NPFFR2: variants seen among roughly 807,000 people sequenced by gnomAD.
NPFFR2 encodes neuropeptide FF receptor 2.
NPFFR2 carries 15 observed loss-of-function variants against 13.1 expected under a neutral mutation model. The ratio of observed to expected loss-of-function variants is 1.15; its 90% CI spans 0.77 to 1.76. NPFFR2 has a LOEUF of 1.76. Among genes scored for constraint, NPFFR2 ranks in the 40% most tolerant of loss-of-function variants. The pLI is 0.00. For synonymous variants in NPFFR2, 190 were observed against 175.7 expected (o/e 1.08, Z -0.65); for missense variants, 572 against 503.5 (o/e 1.14, Z -1.30).
intron 1 of NPFFR2, among the ~76,000 whole-genome samples, chr4:72,126,587 G>A (rs1722049343): frequency 6.6e-6 from 1 of 152,146 alleles, no homozygotes; most frequent in Non-Finnish European, 1.5e-5. Flanking sequence ...AATGATGAGT[G>A]GCTCACTATG....
chr4:72,081,927 C>G (rs931477930), intron 1 of NPFFR2, among the ~76,000 whole-genome samples: 8 of 152,098 alleles, frequency 5.3e-5, no homozygotes, highest in African/African-American at 9.7e-5. Flanking sequence ...TCTCCCTTGC[C>G]CACAGTTTTT....
At chr4:72,102,448 A>G (rs1298107975) in intron 1 of NPFFR2, among the ~76,000 whole-genome samples, 1 of 151,970 alleles carries the variant, frequency 6.6e-6, no homozygotes, top group Non-Finnish European at 1.5e-5. Flanking sequence ...ACATATGTAT[A>G]CATGTGCCAT....
chr4:72,127,594 A>G (rs1176232359), intron 1 of NPFFR2, among the ~76,000 whole-genome samples: 1 of 148,732 alleles, frequency 6.7e-6, no homozygotes, highest in Non-Finnish European at 1.5e-5. Flanking sequence ...CGATCTCCTG[A>G]CCTCGTGATC....
At chr4:72,132,582 C>G (rs1722283309) in intron 2 of NPFFR2, among the ~76,000 whole-genome samples, 1 of 152,180 alleles carries the variant, frequency 6.6e-6, no homozygotes, top group Non-Finnish European at 1.5e-5. Flanking sequence ...ACATTGTCCT[C>G]CAGAATGGTT....
chr4:72,138,671 T>G (rs1222713355), intron 3 of NPFFR2, among the ~76,000 whole-genome samples: 1 of 152,196 alleles, frequency 6.6e-6, no homozygotes, highest in Non-Finnish European at 1.5e-5. Context: ...TTGAAGGATA[T>G]TTTGGTTGGT....
intron 1 of NPFFR2, 94 bp from the exon 2 acceptor site, chr4:72,128,491 G>T (rs1722133971): frequency 2.9e-6 from 2 of 696,806 alleles, no homozygotes; most frequent in East Asian, 2.7e-5. Context: ...AAATTCCATG[G>T]CATTTTACAA....
At chr4:72,045,421 G>A (rs1357100400) in intron 1 of NPFFR2, among the ~76,000 whole-genome samples, 2 of 151,886 alleles carry the variant, frequency 1.3e-5, no homozygotes, top group African/African-American at 4.8e-5. Context: ...TCCTCTTTTG[G>A]TTACTATAGC....
chr4:72,033,567 A>G (rs148777485), intron 1 of NPFFR2, among the ~76,000 whole-genome samples: 3 of 152,278 alleles, frequency 2.0e-5, no homozygotes, highest in South Asian at 2.1e-4. Context: ...TCTTTCTACT[A>G]GCCATGATTT....
At chr4:72,049,243 A>C (rs1719471225) in intron 1 of NPFFR2, among the ~76,000 whole-genome samples, 1 of 152,136 alleles carries the variant, frequency 6.6e-6, no homozygotes, top group African/African-American at 2.4e-5. Flanking sequence ...ACCAAAGTAC[A>C]TATATTAAAT....
chr4:72,110,622 A>G (rs1721537858), intron 1 of NPFFR2, among the ~76,000 whole-genome samples: 1 of 152,038 alleles, frequency 6.6e-6, no homozygotes, highest in African/African-American at 2.4e-5. Flanking sequence ...TTTGATGACC[A>G]CCACTCAGTA....
intron 1 of NPFFR2, among the ~76,000 whole-genome samples, chr4:72,062,669 A>G (rs1286100846): frequency 6.6e-6 from 1 of 152,132 alleles, no homozygotes; most frequent in Admixed American, 6.6e-5. Context: ...TTTTCCCAAC[A>G]AAATGTAATG....
At chr4:72,087,700 C>A (rs1414285027) in intron 1 of NPFFR2, among the ~76,000 whole-genome samples, 1 of 151,858 alleles carries the variant, frequency 6.6e-6, no homozygotes, top group Non-Finnish European at 1.5e-5. Context: ...TAAAGGAGAA[C>A]TTTGCTGCTT....
chr4:72,119,293 G>A (rs1031794959), intron 1 of NPFFR2, among the ~76,000 whole-genome samples: 6 of 152,132 alleles, frequency 3.9e-5, no homozygotes, highest in Admixed American at 3.9e-4. Context: ...CCTGTCAAAG[G>A]GATGAGGAGT....
At chr4:72,077,465 G>C (rs1720481751) in intron 1 of NPFFR2, among the ~76,000 whole-genome samples, 1 of 152,062 alleles carries the variant, frequency 6.6e-6, no homozygotes, top group South Asian at 2.1e-4. Flanking sequence ...GAGGTTTCTT[G>C]CTTTTTTCTT....
chr4:72,082,458 C>A (rs1720653821), intron 1 of NPFFR2, among the ~76,000 whole-genome samples: 1 of 152,078 alleles, frequency 6.6e-6, no homozygotes. Context: ...TCAATGACTA[C>A]TCTTTGGTCC....
intron 2 of NPFFR2, among the ~76,000 whole-genome samples, chr4:72,132,064 C>T (rs186169961): frequency 6.6e-6 from 1 of 150,886 alleles, no homozygotes; most frequent in Non-Finnish European, 1.5e-5. Context: ...CACAGGTAAA[C>T]TTGTGTCATG....
chr4:72,095,188 C>T (rs1423065883), intron 1 of NPFFR2, among the ~76,000 whole-genome samples: 1 of 152,060 alleles, frequency 6.6e-6, no homozygotes, highest in Admixed American at 6.6e-5. Flanking sequence ...AATCCCAATC[C>T]TCAGAAATAA....
intron 1 of NPFFR2, among the ~76,000 whole-genome samples, chr4:72,067,407 T>G (rs1720106636): frequency 6.6e-6 from 1 of 152,198 alleles, no homozygotes; most frequent in Non-Finnish European, 1.5e-5. Flanking sequence ...GTTTGATGGG[T>G]ACTGCAGCTT....
chr4:72,122,901 T>G (rs1257507583), intron 1 of NPFFR2, among the ~76,000 whole-genome samples: 1 of 151,958 alleles, frequency 6.6e-6, no homozygotes, highest in Non-Finnish European at 1.5e-5. Flanking sequence ...ATAACTAAGA[T>G]CAGAGCAGAG....
Sources: allele counts gnomAD v4.1 joint callset (sites outside exome capture counted in the v4.1 genomes callset), GRCh38; gene constraint gnomAD v4.1.1; transcripts MANE v1.5; gene names NCBI Gene and HGNC (gene_info 2026-07-23, HGNC 2026-07-21).